Variants in RHOBTB1 observed in about 807,000 individuals in gnomAD.
RHOBTB1 encodes the protein Rho related BTB domain containing 1, also known as rho-related BTB domain-containing protein 1.
RHOBTB1 carries 40 observed loss-of-function variants against 71.6 expected under a neutral mutation model. The observed-to-expected ratio is 0.56, with a 90% CI of 0.43 to 0.73. RHOBTB1 has a LOEUF of 0.73. RHOBTB1 is among the 30% of genes least tolerant of loss of function. The probability of loss-of-function intolerance (pLI) is 0.00; values close to 1 mark genes in which losing one functional copy is unlikely to be tolerated. For synonymous variants in RHOBTB1, 319 were observed against 334.9 expected (o/e 0.95, Z 0.52); for missense variants, 797 against 894.0 (o/e 0.89, Z 1.38).
intron 2 of RHOBTB1, among the ~76,000 whole-genome samples, chr10:60,981,076 T>C (rs2086479990): frequency 6.6e-6 from 1 of 152,238 alleles, no homozygotes; most frequent in Non-Finnish European, 1.5e-5. Flanking sequence ...AATTCTATGT[T>C]TGATATGTAA....
chr10:60,878,252 G>A (rs550011252), intron 7 of RHOBTB1, among the ~76,000 whole-genome samples, 194 bp from the exon 8 acceptor site: 1 of 152,308 alleles, frequency 6.6e-6, no homozygotes, highest in South Asian at 2.1e-4. Context: ...GTTGACAAAA[G>A]AGTGGAGCTG....
intron 2 of RHOBTB1, among the ~76,000 whole-genome samples, chr10:60,952,739 T>A (rs7898582): frequency 6.6e-6 from 1 of 151,872 alleles, no homozygotes; most frequent in Admixed American, 6.6e-5. Flanking sequence ...TCTTAAATTC[T>A]GATATTAAAC....
intron 7 of RHOBTB1, among the ~76,000 whole-genome samples, chr10:60,883,978 G>A (rs2081448170): frequency 6.6e-6 from 1 of 152,180 alleles, no homozygotes; most frequent in Admixed American, 6.5e-5. Flanking sequence ...TTTGACCCAA[G>A]CTCAGGAGAG....
rs1194544932 is a variant in RHOBTB1 at position 60,888,448 on chromosome 10, T to C, written c.1220A>G (p.Gln407Arg). ...GAGCAGGGTCCGAAAAGGGCCTGGC[T>C]GGACTGAAGCGTCCATCCTGACCAC... ...MTVVRMDASV[Q>R]PGPFRTLLQF... Residue 407 changes from glutamine (Q) to arginine (R), a missense_variant, in exon 6 of 11, where the codon CAG becomes CGG. Around this residue, in one of 2 missense-constraint regions of RHOBTB1, gnomAD observed 658 missense variants for 681.5 expected, o/e 0.97. Coordinates refer to ENST00000337910, the MANE Select transcript of RHOBTB1 (RefSeq NM_014836.5). 1 of 1,614,104 alleles carries C rather than the reference T, an allele frequency of 6.2e-7. No individual in the cohort carries two copies. The highest frequency in any genetic ancestry group is 1.3e-5 in the African/African-American group (1 of 74,952).
intron 2 of RHOBTB1, among the ~76,000 whole-genome samples, chr10:60,936,840 TGAGATTAGTA>T (rs1387178364): frequency 2.0e-5 from 3 of 152,200 alleles, no homozygotes; most frequent in Non-Finnish European, 4.4e-5. Flanking sequence ...ATAATCAATT[TGAGATTAGTA>T]GAAGGTTAAG....
the RHOBTB1 span, among the ~76,000 whole-genome samples, chr10:60,863,828 G>A: frequency 6.6e-6 from 1 of 152,132 alleles, no homozygotes; most frequent in African/African-American, 2.4e-5. Flanking sequence ...CCACTGGCTG[G>A]TCCCTTGCAT....
intron 5 of RHOBTB1, among the ~76,000 whole-genome samples, chr10:60,892,355 C>A (rs1256737995): frequency 1.3e-5 from 2 of 152,088 alleles, no homozygotes; most frequent in Non-Finnish European, 1.5e-5. Context: ...AATACTGTAA[C>A]AGGTTGGACT....
chr10:60,917,041 A>T (rs1378103806), intron 2 of RHOBTB1, among the ~76,000 whole-genome samples: 2 of 152,214 alleles, frequency 1.3e-5, no homozygotes, highest in Non-Finnish European at 2.9e-5. Flanking sequence ...CCAAAGTAAC[A>T]CAGCCTGCCA....
intron 2 of RHOBTB1, among the ~76,000 whole-genome samples, chr10:60,980,855 A>C (rs1448052164): frequency 6.6e-6 from 1 of 152,156 alleles, no homozygotes. Flanking sequence ...AAAGTGTCAA[A>C]TTTCATAGTA....
At chr10:60,866,511 G>A (rs1282060645), downstream of RHOBTB1, among the ~76,000 whole-genome samples, 7 of 152,162 alleles carry the variant, frequency 4.6e-5, no homozygotes, top group Admixed American at 2.0e-4. Context: ...AGGGCCTTGC[G>A]TTGACTGAGG....
intron 4 of RHOBTB1, among the ~76,000 whole-genome samples, chr10:60,904,836 C>A (rs188465017): frequency 3.3e-5 from 5 of 152,260 alleles, no homozygotes; most frequent in African/African-American, 1.2e-4. Context: ...TTCTTTCATG[C>A]CTTTCTACTT....
At chr10:60,882,963 T>C (rs932689788) in intron 7 of RHOBTB1, among the ~76,000 whole-genome samples, 2 of 152,226 alleles carry the variant, frequency 1.3e-5, no homozygotes, top group African/African-American at 4.8e-5. Flanking sequence ...TGTCCTCTCA[T>C]GCCTTCTCTG....
chr10:60,875,674 A>C lies in RHOBTB1; in HGVS notation c.1727-632T>G, dbSNP rs1564747130. Among the ~76,000 whole-genome samples, 3 of 152,356 alleles carry C rather than the reference A, an allele frequency of 2.0e-5. No individual in the cohort carries two copies. In the East Asian group the frequency reaches 5.8e-4, roughly 29 times the overall value. On this transcript the variant is annotated intron_variant, in intron 8 of 10. Transcript: ENST00000337910. ...AAATGTGATTGCGTACGTCTGTCTCAACAGCTACAGATGGATAACATATTG... is the reference window on the plus strand; with the variant it reads ...AAATGTGATTGCGTACGTCTGTCTCCACAGCTACAGATGGATAACATATTG...
rs201467719 is a variant in RHOBTB1, at chr10:60,951,345, C to A, written c.-61-9491G>T. 5.6e-4 allele frequency among the ~76,000 whole-genome samples: 21 copies of A among 37,600 alleles called. No individual in the cohort carries two copies. The Admixed American group carries it at 6.2e-3, about 11-fold the overall frequency. 24.7% of individuals were successfully genotyped at this position (37,600 alleles called of 152,430 possible). A position where few individuals can be genotyped will look rare whatever the true frequency, so the allele number is the denominator to read the frequency against. ...CACTCCTTTCATAATGGTTCCTAAT[C>A]TAAAAGCAAAGATGACCTCACTTCT... On this transcript the variant is annotated intron_variant, in intron 2 of 11. Coordinates refer to the RHOBTB1 transcript ENST00000357917.
intron 2 of RHOBTB1, among the ~76,000 whole-genome samples, chr10:60,929,498 T>C (rs560677894): frequency 1.3e-5 from 2 of 152,038 alleles, no homozygotes; most frequent in South Asian, 4.2e-4. Flanking sequence ...CTAGAGATAA[T>C]TGAAAATTAA....
rs116270049 is a variant in RHOBTB1 at position 60,924,564 on chromosome 10, C to T, written c.-10-13012G>A. 5.9e-3 allele frequency among the ~76,000 whole-genome samples: 899 copies of T among 152,088 alleles called. 6 individuals are homozygous for T. The highest frequency in any genetic ancestry group is 0.021 in the African/African-American group (872 of 41,494). On this transcript the variant is annotated intron_variant, in intron 2 of 10. Coordinates refer to ENST00000337910, the MANE Select transcript of RHOBTB1 (RefSeq NM_014836.5). ...AGTAAGAGCCAGGGACTTCAGTATC[C>T]CACCTTCAGCATTGGAAAGATCATC...
intron 1 of RHOBTB1, among the ~76,000 whole-genome samples, chr10:61,001,068 G>A (rs1047475160): frequency 1.3e-5 from 2 of 151,836 alleles, no homozygotes; most frequent in Non-Finnish European, 2.9e-5. Context: ...GTGAGTGCGC[G>A]CGCGCGCACG....
In RHOBTB1 at chr10:60,911,001, G is replaced by C; in HGVS notation, c.193-11C>G. On this transcript the variant is annotated splice_polypyrimidine_tract_variant and intron_variant, in intron 3 of 10. Transcript: ENST00000337910. ...AGAACGCTCCAAGACCTGCAGGAGA[G>C]AGAGAGAGCATCTGTGCTCGGTGTC... The C allele has an allele frequency of 6.2e-7, 1 of 1,608,740 alleles. No homozygotes were observed. Among genetic ancestry groups the C allele is most frequent in the African/African-American group, 1.3e-5 (1 of 74,970 alleles).
chr10:60,886,729 G>T (rs1184143423), intron 6 of RHOBTB1, among the ~76,000 whole-genome samples: 1 of 87,958 alleles, frequency 1.1e-5, no homozygotes, highest in Non-Finnish European at 2.4e-5. Flanking sequence ...GGGGGGGGTG[G>T]GTCTGGCTAT....
Sources: allele counts gnomAD v4.1 joint callset (sites outside exome capture counted in the v4.1 genomes callset), GRCh38; gene constraint gnomAD v4.1.1; regional missense constraint gnomAD v4.1.1; transcripts MANE v1.5; gene names NCBI Gene and HGNC (gene_info 2026-07-23, HGNC 2026-07-21).